FADS2: variants seen among roughly 807,000 people sequenced by gnomAD.
FADS2 encodes acyl-CoA 6-desaturase.
Under a neutral mutation model 61.2 loss-of-function variants are expected in FADS2, and 18 were observed. That is an observed-to-expected ratio of 0.29 (90% CI 0.20 to 0.44). The LOEUF is 0.44. FADS2 is among the 20% of genes least tolerant of loss of function. FADS2 has a pLI of 1.00. For synonymous variants in FADS2, 203 were observed against 223.9 expected (o/e 0.91, Z 0.83); for missense variants, 322 against 572.7 (o/e 0.56, Z 4.47).
intron 1 of FADS2, among the ~76,000 whole-genome samples, chr11:61,818,692 G>A (rs1288642590): frequency 6.6e-6 from 1 of 152,116 alleles, no homozygotes; most frequent in Non-Finnish European, 1.5e-5. Flanking sequence ...AAAGTAGTAT[G>A]GGTTCGCTGA....
chr11:61,828,627 T>C lies in FADS2; in HGVS notation c.207+30T>C, dbSNP rs1269101708. ...GGGTCTGGGGGCGCCCCAGCCACCC[T>C]TCTCTGCTGCAGGCGGAGTCAGGAT... On this transcript the variant is annotated intron_variant, in intron 1 of 11. Coordinates refer to ENST00000278840, the MANE Select transcript of FADS2 (RefSeq NM_004265.4). This position sits in a 1 kb window ranked among gnomAD's most constrained non-coding sequence, Gnocchi z 6.4. 6.3e-7 allele frequency: 1 copy of C among 1,586,484 alleles called. No homozygotes were observed. The highest frequency in any genetic ancestry group is 2.3e-5 in the East Asian group (1 of 44,308).
intron 10 of FADS2, among the ~76,000 whole-genome samples, chr11:61,864,943 C>T (rs545295730): frequency 3.5e-4 from 54 of 152,320 alleles, no homozygotes; most frequent in African/African-American, 1.3e-3. Context: ...AGAGCACAAA[C>T]GCCCTCCTGC....
intron 7 of FADS2, among the ~76,000 whole-genome samples, chr11:61,859,668 T>A (rs1267189573): frequency 1.3e-5 from 2 of 152,166 alleles, no homozygotes; most frequent in Non-Finnish European, 2.9e-5. Flanking sequence ...TCCTTGCCTC[T>A]AGCATCCAAT....
At position 61,848,223 on chromosome 11, in the gene FADS2, A is replaced by G; in HGVS notation, c.683A>G (p.His228Arg). The part of the protein sequence containing the change: ...FQHHAKPNIF[H>R]KDPDVNMLHV... ...CACCACGCCAAGCCTAACATCTTCC[A>G]CAAGGATCCCGATGTGAACATGCTG... Residue 228 changes from histidine to arginine, a missense_variant, in exon 5 of 12, where the codon CAC becomes CGC. By Grantham distance (29) the His-to-Arg change is conservative. Coordinates refer to ENST00000278840, the MANE Select transcript of FADS2 (RefSeq NM_004265.4). The G allele has an allele frequency of 6.2e-7, 1 of 1,614,196 alleles. No homozygotes were observed. Among genetic ancestry groups the G allele is most frequent in the Non-Finnish European group, 8.5e-7 (1 of 1,180,032 alleles).
intron 5 of FADS2, among the ~76,000 whole-genome samples, chr11:61,849,136 C>A (rs937179081): frequency 1.3e-5 from 2 of 152,226 alleles, no homozygotes; most frequent in Non-Finnish European, 2.9e-5. Context: ...ACCTCATGAT[C>A]TGCCTGCCTC....
At chr11:61,840,216 C>A in intron 2 of FADS2, 118 bp from the exon 3 acceptor site, 1 of 829,866 alleles carries the variant, frequency 1.2e-6, no homozygotes, top group Non-Finnish European at 2.0e-6. Context: ...GTGGCTTGGC[C>A]CCCTCTTGCC....
intron 5 of FADS2, chr11:61,855,414 A>C (rs1308820681): frequency 1.3e-5 from 2 of 152,212 alleles, no homozygotes; most frequent in Non-Finnish European, 2.9e-5. Context: ...CAACGTCTGC[A>C]GTGCTGGCTC....
At chr11:61,829,737 T>G (rs1402468654) in intron 1 of FADS2, among the ~76,000 whole-genome samples, 1 of 152,150 alleles carries the variant, frequency 6.6e-6, no homozygotes, top group African/African-American at 2.4e-5. Flanking sequence ...GGGATGAACT[T>G]GACGTAGATC....
chr11:61,853,472 C>A (rs1019502779), intron 5 of FADS2, among the ~76,000 whole-genome samples: 1 of 151,978 alleles, frequency 6.6e-6, no homozygotes, highest in Non-Finnish European at 1.5e-5. Flanking sequence ...TGGCAGCAGC[C>A]TTGTTTTGTT....
intron 1 of FADS2, among the ~76,000 whole-genome samples, chr11:61,819,896 T>C (rs1355566918): frequency 1.6e-5 from 2 of 125,102 alleles, no homozygotes; most frequent in Non-Finnish European, 3.2e-5. Flanking sequence ...TTAAATAATA[T>C]GATGTAAGTT....
chr11:61,845,820 G>A (rs949068800), intron 4 of FADS2, among the ~76,000 whole-genome samples: 1 of 150,352 alleles, frequency 6.7e-6, no homozygotes, highest in African/African-American at 2.4e-5. Flanking sequence ...GAGAATCACA[G>A]CAGAGGAAGT....
At chr11:61,851,193 C>T (rs994225992) in intron 5 of FADS2, among the ~76,000 whole-genome samples, 4 of 152,074 alleles carry the variant, frequency 2.6e-5, no homozygotes, top group Non-Finnish European at 4.4e-5. Context: ...ATTTTCTCGG[C>T]GAGGCTTTGT....
upstream of FADS2, among the ~76,000 whole-genome samples, chr11:61,826,826 T>C (rs1402666941): frequency 6.6e-6 from 1 of 151,762 alleles, no homozygotes; most frequent in Admixed American, 6.6e-5. Context: ...GGCAGAGTGA[T>C]CCCCCCACCA....
rs947020100 is a variant in FADS2, at chr11:61,828,842, G to T, written c.207+245G>T. The stretch of plus-strand genomic sequence containing the variant: ...CTGCGGTGAAAGTCCCAGCGGTGGA[G>T]AACAGGGCAAGCATCTACCGCGCGC... On this transcript the variant is annotated intron_variant, in intron 1 of 11. Coordinates refer to ENST00000278840, the MANE Select transcript of FADS2 (RefSeq NM_004265.4). This position sits in a 1 kb window ranked among gnomAD's most constrained non-coding sequence, Gnocchi z 6.4. The T allele has an allele frequency of 2.0e-6, 1 of 512,586 alleles. No individual in the cohort carries two copies. Among genetic ancestry groups the T allele is most frequent in the Admixed American group, 3.9e-5 (1 of 25,462 alleles). The allele number at this position is 512,586 out of a possible 1,614,324, so 31.8% of individuals were successfully genotyped here. A position where few individuals can be genotyped will look rare whatever the true frequency, so the allele number is the denominator to read the frequency against.
At chr11:61,826,451 C>T (rs2067087189), upstream of FADS2, 1 of 552,036 alleles carries the variant, frequency 1.8e-6, no homozygotes, top group Non-Finnish European at 3.3e-6. Context: ...AGCTATCACT[C>T]CCTGCTCCGA....
intron 1 of FADS2, among the ~76,000 whole-genome samples, chr11:61,833,530 C>T (rs1425970978): frequency 1.3e-5 from 2 of 152,236 alleles, no homozygotes; most frequent in South Asian, 2.1e-4. Context: ...CCACATGTGA[C>T]TCAAACTCTA....
chr11:61,834,532 A>C (rs1008203587), intron 1 of FADS2, among the ~76,000 whole-genome samples: 7 of 152,156 alleles, frequency 4.6e-5, no homozygotes, highest in African/African-American at 1.7e-4. Flanking sequence ...ATGGCTGAGC[A>C]GCAACCAAGG....
chr11:61,853,534 C>A lies in FADS2; in HGVS notation c.745-3477C>A, dbSNP rs12282628. On this transcript the variant is annotated intron_variant, in intron 5 of 11. Coordinates refer to ENST00000278840, the MANE Select transcript of FADS2 (RefSeq NM_004265.4). ...GAGGGGGCTGGTGAGACCATTATCC[C>A]GGTAGCAGTGTAAAGGGGCCTCAGA... Among the ~76,000 whole-genome samples the A allele has an allele frequency of 8.5e-5, 13 of 152,090 alleles. No homozygotes were observed. In the East Asian group the frequency reaches 2.5e-3, roughly 29 times the overall value.
chr11:61,852,836 G>T (rs1565334283), intron 5 of FADS2, among the ~76,000 whole-genome samples: 1 of 152,042 alleles, frequency 6.6e-6, no homozygotes. Flanking sequence ...CTGGGTAGAT[G>T]ATCATATCCT....
Sources: gnomAD v4.1 joint callset for allele counts (sites outside exome capture counted in the v4.1 genomes callset) on GRCh38, gnomAD v4.1.1 for gene constraint, Gnocchi (gnomAD v3.1) non-coding constraint, MANE v1.5 for transcripts, NCBI Gene and HGNC (gene_info 2026-07-23, HGNC 2026-07-21) for gene names.